SYNE2: variants seen among roughly 807,000 people sequenced by gnomAD.
The protein encoded by SYNE2 is nesprin-2.
Under a neutral mutation model 856.3 loss-of-function variants are expected in SYNE2, and 431 were observed. The ratio of observed to expected loss-of-function variants is 0.50; its 90% CI spans 0.47 to 0.55. The LOEUF (loss-of-function observed/expected upper bound fraction) is 0.55, where lower values mean the gene tolerates loss of function less well. SYNE2 is among the 20% of genes least tolerant of loss of function. The probability of loss-of-function intolerance (pLI) is 0.00; values close to 1 mark genes in which losing one functional copy is unlikely to be tolerated. For missense variants in SYNE2, 8,129 were observed against 8,023.2 expected (o/e 1.01, Z -0.50); for synonymous variants, 2,923 against 2,872.3 (o/e 1.02, Z -0.56).
intron 1 of SYNE2, among the ~76,000 whole-genome samples, chr14:63,812,180 G>A (rs560797721): frequency 4.3e-4 from 66 of 152,138 alleles, no homozygotes; most frequent in Middle Eastern, 3.4e-3. Flanking sequence ...CAGAGCGGCC[G>A]TTTATAGACC....
intron 7 of SYNE2, among the ~76,000 whole-genome samples, chr14:63,953,570 A>ATAGT (rs1566898039): frequency 6.6e-6 from 1 of 152,034 alleles, no homozygotes; most frequent in African/African-American, 2.4e-5. Context: ...AGATAGATAG[A>ATAGT]TGTAGATATT....
chr14:63,936,407 C>T (rs918488986), intron 2 of SYNE2, among the ~76,000 whole-genome samples: 3 of 151,862 alleles, frequency 2.0e-5, no homozygotes, highest in African/African-American at 4.8e-5. Context: ...CAAGAGGGAT[C>T]GGGAGTTGGG....
chr14:63,825,620 T>A (rs1357943681), intron 1 of SYNE2, among the ~76,000 whole-genome samples: 1 of 152,124 alleles, frequency 6.6e-6, no homozygotes, highest in Non-Finnish European at 1.5e-5. Flanking sequence ...ACATCTGTAA[T>A]CCCAGCACTT....
chr14:63,928,612 G>A (rs1255817204), intron 2 of SYNE2, among the ~76,000 whole-genome samples: 1 of 152,014 alleles, frequency 6.6e-6, no homozygotes, highest in Non-Finnish European at 1.5e-5. Context: ...AAATATTTTA[G>A]GCTTGTTTTT....
intron 67 of SYNE2, among the ~76,000 whole-genome samples, chr14:64,120,234 C>T (rs1273301983): frequency 6.6e-6 from 1 of 151,988 alleles, no homozygotes; most frequent in East Asian, 1.9e-4. Context: ...TATGGTTCCC[C>T]TTTCATCCTA....
intron 97 of SYNE2, 134 bp downstream of exon 97, chr14:64,186,713 G>T: frequency 1.7e-6 from 2 of 1,164,078 alleles, no homozygotes; most frequent in East Asian, 2.4e-5. Flanking sequence ...CCCGGCCGCT[G>T]CTCCTTTAGA....
intron 2 of SYNE2, among the ~76,000 whole-genome samples, chr14:63,925,665 A>G (rs1315985704): frequency 6.6e-6 from 1 of 152,030 alleles, no homozygotes; most frequent in Admixed American, 6.6e-5. Flanking sequence ...TGCACCTCCA[A>G]CTACCCTTCC....
At chr14:64,138,951 GTGT>G (rs1567428672) in intron 79 of SYNE2, among the ~76,000 whole-genome samples, 47 of 106,608 alleles carry the variant, frequency 4.4e-4, no homozygotes, top group African/African-American at 1.6e-3. Flanking sequence ...TGTATGGTGT[GTGT>G]GTGTGTGTGT....
rs138789938 is a variant in SYNE2, at chr14:64,223,201, G to C, written c.20203G>C (p.Glu6735Gln). Residue 6735 changes from glutamate (E) to glutamine (Q), a missense_variant, in exon 113 of 116, where the codon GAG becomes CAG. Glu to Gln is a conservative substitution (Grantham distance 29, BLOSUM62 2). Around this residue, in one of 3 missense-constraint regions of SYNE2, gnomAD observed 5,410 missense variants for 5,284.8 expected, o/e 1.02. Transcript: ENST00000555002. ...CRRELMQLEKELVERQPQVDM... is the reference protein window; with the variant it reads ...CRRELMQLEKQLVERQPQVDM... ...TATCTGTTTTCAGCAACTGGAAAAGGAGCTGGTAGAACGTCAACCTCAAGT... is the reference window on the plus strand; with the variant it reads ...TATCTGTTTTCAGCAACTGGAAAAGCAGCTGGTAGAACGTCAACCTCAAGT... 2 of 1,613,768 alleles carry C rather than the reference G, an allele frequency of 1.2e-6. No homozygotes were observed. Among genetic ancestry groups the C allele is most frequent in the South Asian group, 1.1e-5 (1 of 90,944 alleles).
intron 1 of SYNE2, among the ~76,000 whole-genome samples, chr14:63,790,152 G>A (rs970064773): frequency 2.0e-5 from 3 of 152,004 alleles, no homozygotes; most frequent in African/African-American, 7.2e-5. Context: ...GGGCAACATG[G>A]CAAAACCCCA....
chr14:63,944,242 T>A (rs1595787164), intron 6 of SYNE2, among the ~76,000 whole-genome samples: 2 of 149,558 alleles, frequency 1.3e-5, no homozygotes, highest in East Asian at 3.9e-4. Flanking sequence ...ATCCATACTG[T>A]TTTCAGCATG....
At chr14:63,762,525 A>G (rs1202242254) in intron 1 of SYNE2, among the ~76,000 whole-genome samples, 1 of 151,298 alleles carries the variant, frequency 6.6e-6, no homozygotes, top group East Asian at 1.9e-4. Context: ...AGGAAACTAG[A>G]ATGGACTGGA....
chr14:64,158,886 C>T (rs2098307129), intron 86 of SYNE2, 91 bp downstream of exon 86: 1 of 1,376,380 alleles, frequency 7.3e-7, no homozygotes, highest in Non-Finnish European at 1.0e-6. Context: ...TGTTTGTGCC[C>T]TCCCACAGAG....
At chr14:63,783,626 A>G (rs1887409649) in intron 1 of SYNE2, among the ~76,000 whole-genome samples, 1 of 152,190 alleles carries the variant, frequency 6.6e-6, no homozygotes, top group African/African-American at 2.4e-5. Flanking sequence ...GCATAACCTG[A>G]ATCTAATTAT....
intron 115 of SYNE2, 131 bp from the exon 116 acceptor site, chr14:64,225,188 G>T: frequency 6.4e-7 from 1 of 1,557,470 alleles, no homozygotes; most frequent in African/African-American, 1.4e-5. Flanking sequence ...CTCTGAAACT[G>T]AACCCCAACT....
intron 90 of SYNE2, among the ~76,000 whole-genome samples, chr14:64,166,413 G>A (rs2098379452): frequency 6.6e-6 from 1 of 152,154 alleles, no homozygotes. Context: ...ATATTGTTAA[G>A]GATGTTTGCT....
At chr14:63,859,986 T>G (rs368553979) in intron 1 of SYNE2, among the ~76,000 whole-genome samples, 27 of 117,382 alleles carry the variant, frequency 2.3e-4, no homozygotes, top group African/African-American at 8.0e-4. Flanking sequence ...CCTCCCTTCC[T>G]TCCTTCGTTC....
At chr14:63,889,857 C>T (rs2095086420) in intron 1 of SYNE2, among the ~76,000 whole-genome samples, 1 of 152,038 alleles carries the variant, frequency 6.6e-6, no homozygotes, top group African/African-American at 2.4e-5. Flanking sequence ...GGTGAAGTAT[C>T]CATTTTTATG....
rs532269465 is a variant in SYNE2 at position 64,202,798 on chromosome 14, T to C, written c.18039-3T>C. The C allele has an allele frequency of 6.2e-7, 1 of 1,614,160 alleles. No homozygotes were observed. The highest frequency in any genetic ancestry group is 2.2e-5 in the East Asian group (1 of 44,890). ...CGTTTTGTTTTTCTGCAAATATGTG[T>C]AGGGTGAAGAAGCTGAAGGAGACCT... On this transcript the variant is annotated splice_region_variant and splice_polypyrimidine_tract_variant and intron_variant, in intron 99 of 115. Coordinates refer to ENST00000555002, the MANE Select transcript of SYNE2 (RefSeq NM_182914.3).
Sources: allele counts gnomAD v4.1 joint callset (sites outside exome capture counted in the v4.1 genomes callset), GRCh38; gene constraint gnomAD v4.1.1; regional missense constraint gnomAD v4.1.1; transcripts MANE v1.5; gene names NCBI Gene and HGNC (gene_info 2026-07-23, HGNC 2026-07-21).